The following BAZ2B variants were observed in gnomAD, a reference collection of about 807,000 sequenced individuals.
The protein encoded by BAZ2B is bromodomain adjacent to zinc finger domain 2B, also known as bromodomain adjacent to zinc finger domain protein 2B.
A neutral mutation model predicts 246.0 loss-of-function variants in BAZ2B; 91 were observed. The ratio of observed to expected loss-of-function variants is 0.37; its 90% confidence interval spans 0.31 to 0.44. BAZ2B has a LOEUF of 0.44. Ranked by LOEUF, BAZ2B falls within the 20% of genes least tolerant of loss-of-function variation. The pLI is 1.00. For synonymous variants in BAZ2B, 855 were observed against 860.0 expected (o/e 0.99, Z 0.10); for missense variants, 2,332 against 2,533.7 (o/e 0.92, Z 1.71).
intron 16 of BAZ2B, among the ~76,000 whole-genome samples, chr2:159,402,330 A>G (rs945429094): frequency 6.6e-6 from 1 of 152,110 alleles, no homozygotes; most frequent in Non-Finnish European, 1.5e-5. Flanking sequence ...CATGCCTATA[A>G]TCCCAGCTAC....
intron 20 of BAZ2B, 175 bp downstream of exon 20, chr2:159,395,594 C>T: frequency 2.1e-6 from 1 of 483,270 alleles, no homozygotes; most frequent in Non-Finnish European, 3.7e-6. Flanking sequence ...GGAACTCTTC[C>T]TACATTCTTT....
upstream of BAZ2B, among the ~76,000 whole-genome samples, chr2:159,620,917 AATGATAGACTGTAGTATTAAGAG>A (rs1229630789): frequency 6.6e-6 from 1 of 152,174 alleles, no homozygotes; most frequent in African/African-American, 2.4e-5. Context: ...AGGCAGTGCA[AATGATAGACTGTAGTATTAAGAG>A]ATTGCTTAAC....
chr2:159,517,112 A>G (rs1274068614), intron 2 of BAZ2B, among the ~76,000 whole-genome samples: 1 of 152,148 alleles, frequency 6.6e-6, no homozygotes, highest in Non-Finnish European at 1.5e-5. Context: ...CCTGCAAAAT[A>G]AGACTGCTTT....
rs1007397766 is a variant in BAZ2B, at chr2:159,412,406, G to A, written c.2606C>T (p.Pro869Leu). ...GAATTCAGCATTGCCAACATTTGGA[G>A]GTCGACCTTTCCGACGTCTCATCCT... The part of the protein sequence containing the change: ...ESRMRRRKGR[P>L]PNVGNAEFLD... Residue 869 changes from proline to leucine, a missense_variant, in exon 14 of 37, where the codon CCT becomes CTT. Coordinates refer to ENST00000392783, the MANE Select transcript of BAZ2B (RefSeq NM_013450.4). 5 of 1,614,048 alleles carry A rather than the reference G, an allele frequency of 3.1e-6. No homozygotes were observed. Among genetic ancestry groups the A allele is most frequent in the African/African-American group, 1.3e-5 (1 of 75,014 alleles).
At chr2:159,698,515 CA>C in the BAZ2B span, among the ~76,000 whole-genome samples, 689 of 130,492 alleles carry the variant, frequency 5.3e-3, 9 homozygotes, top group African/African-American at 0.019. Flanking sequence ...CACCATCCCA[CA>C]AAAAAAAAAA....
intron 2 of BAZ2B, among the ~76,000 whole-genome samples, chr2:159,553,635 C>T (rs2088663707): frequency 6.6e-6 from 1 of 151,648 alleles, no homozygotes; most frequent in Admixed American, 6.6e-5. Context: ...GAAGGGAGAT[C>T]AGTTAAAAGG....
intron 25 of BAZ2B, among the ~76,000 whole-genome samples, chr2:159,376,755 T>C (rs2061450421): frequency 6.6e-6 from 1 of 152,080 alleles, no homozygotes; most frequent in Non-Finnish European, 1.5e-5. Context: ...CTAACTGCAA[T>C]TTTTAAGACT....
chr2:159,493,867 A>G (rs2080778825), intron 2 of BAZ2B, among the ~76,000 whole-genome samples: 1 of 152,210 alleles, frequency 6.6e-6, no homozygotes, highest in African/African-American at 2.4e-5. Context: ...TAAGTGCTCA[A>G]TGTATTAGTT....
the BAZ2B span, among the ~76,000 whole-genome samples, chr2:159,622,289 A>AAAAGGC: frequency 2.5e-3 from 289 of 116,522 alleles, 12 homozygotes; most frequent in Middle Eastern, 8.5e-3. Context: ...AAAAAGGCAA[A>AAAAGGC]AACCAAAGTG....
chr2:159,579,693 G>C (rs1345436284), intron 1 of BAZ2B, among the ~76,000 whole-genome samples: 5 of 152,120 alleles, frequency 3.3e-5, no homozygotes, highest in Non-Finnish European at 5.9e-5. Flanking sequence ...CTGGCAAACT[G>C]AATCCAGCAG....
chr2:159,679,287 A>AAC, the BAZ2B span, among the ~76,000 whole-genome samples: 8,296 of 139,866 alleles, frequency 0.059, 454 homozygotes, highest in Non-Finnish European at 0.09. Context: ...AAAAAAAAAA[A>AAC]AAAAAAAGAT....
intron 2 of BAZ2B, among the ~76,000 whole-genome samples, chr2:159,511,788 T>C (rs1271515144): frequency 6.6e-6 from 1 of 152,174 alleles, no homozygotes; most frequent in African/African-American, 2.4e-5. Flanking sequence ...TGAAATTACA[T>C]AGATAACTTA....
At chr2:159,428,934 T>C (rs1482892149) in intron 11 of BAZ2B, among the ~76,000 whole-genome samples, 2 of 152,166 alleles carry the variant, frequency 1.3e-5, no homozygotes, top group African/African-American at 4.8e-5. Flanking sequence ...CTTTGCCATC[T>C]GATTTGCTCT....
chr2:159,585,821 T>C (rs367724126), intron 1 of BAZ2B, among the ~76,000 whole-genome samples: 3 of 152,394 alleles, frequency 2.0e-5, no homozygotes, highest in Non-Finnish European at 4.4e-5. Context: ...CAGACTGCTT[T>C]CAAGTTTTTC....
intron 3 of BAZ2B, chr2:159,460,977 A>G (rs2076336148): frequency 6.6e-6 from 1 of 152,596 alleles, no homozygotes; most frequent in African/African-American, 2.4e-5. Flanking sequence ...CTCATACAGA[A>G]GATAGTGTGG....
At chr2:159,646,457 C>T in the BAZ2B span, among the ~76,000 whole-genome samples, 1 of 152,038 alleles carries the variant, frequency 6.6e-6, no homozygotes, top group Non-Finnish European at 1.5e-5. Flanking sequence ...ACATCCTTCT[C>T]AGCTTATGAG....
intron 2 of BAZ2B, among the ~76,000 whole-genome samples, chr2:159,525,904 T>G (rs2084679792): frequency 6.6e-6 from 1 of 152,174 alleles, no homozygotes; most frequent in Non-Finnish European, 1.5e-5. Context: ...AATGGTAAAC[T>G]ACCTGCTTAG....
At chr2:159,332,884 G>C in intron 33 of BAZ2B, 198 bp from the exon 34 acceptor site, 1 of 582,394 alleles carries the variant, frequency 1.7e-6, no homozygotes, top group Non-Finnish European at 2.9e-6. Flanking sequence ...GTTCTATTGG[G>C]GTAAATGCAC....
At chr2:159,415,150 T>C (rs1463516396) in intron 13 of BAZ2B, among the ~76,000 whole-genome samples, 1 of 151,988 alleles carries the variant, frequency 6.6e-6, no homozygotes, top group Non-Finnish European at 1.5e-5. Flanking sequence ...GCCAACACAA[T>C]GCTAGTGTAT....
Sources: allele counts gnomAD v4.1 joint callset (sites outside exome capture counted in the v4.1 genomes callset), GRCh38; gene constraint gnomAD v4.1.1; transcripts MANE v1.5; gene names NCBI Gene and HGNC (gene_info 2026-07-23, HGNC 2026-07-21).